The following ANKRD42 variants were observed in gnomAD, a reference collection of about 807,000 sequenced individuals.
ANKRD42 encodes the protein ankyrin repeat domain-containing protein 42.
Under a neutral mutation model 51.5 loss-of-function variants are expected in ANKRD42, and 43 were observed. That is an observed-to-expected ratio of 0.83 (90% CI 0.65 to 1.08). The LOEUF is 1.08. Ranked by LOEUF, ANKRD42 falls within the 50% of genes least tolerant of loss-of-function variation. The pLI is 0.00. For synonymous variants in ANKRD42, 203 were observed against 213.0 expected, an observed-to-expected ratio of 0.95 and a Z score of 0.41; for missense variants, 608 against 629.3, an observed-to-expected ratio of 0.97 and a Z score of 0.36.
At chr11:83,202,470 C>T (rs764844927) in intron 2 of ANKRD42, among the ~76,000 whole-genome samples, 6 of 152,198 alleles carry the variant, frequency 3.9e-5, no homozygotes, top group East Asian at 1.9e-4. Context: ...CTTAGCTCTA[C>T]GGGCTCTTTT....
chr11:83,198,449 T>C, intron 1 of ANKRD42, 30 bp from the exon 2 acceptor site: 3 of 1,588,964 alleles, frequency 1.9e-6, no homozygotes, highest in Non-Finnish European at 2.6e-6. Context: ...AGTTTTGTAG[T>C]ACATTGTAAG....
At chr11:83,196,396 A>AGTGTGT (rs1428938974) in intron 1 of ANKRD42, among the ~76,000 whole-genome samples, 118 of 133,158 alleles carry the variant, frequency 8.9e-4, no homozygotes, top group African/African-American at 3.0e-3. Context: ...TGAGTGTGTG[A>AGTGTGT]GAGTGTGTGT....
rs760111567 is a variant in ANKRD42 at position 83,211,431 on chromosome 11, G to A, written c.586+1G>A. On this transcript the variant is annotated splice_donor_variant, in intron 5 of 10. Transcript: ENST00000533342. LOFTEE classifies it high-confidence loss of function. Reference sequence around the variant, plus strand: ...GTGGACTACAATGGAAACCTTCCAGGTATTTTAAATAAAGCAAATATTTTA... The same window carrying A: ...GTGGACTACAATGGAAACCTTCCAGATATTTTAAATAAAGCAAATATTTTA... 4 of 1,613,332 alleles carry A rather than the reference G, an allele frequency of 2.5e-6. No homozygotes were observed. In the South Asian group the frequency reaches 3.3e-5, roughly 13 times the overall value.
At position 83,193,746 on chromosome 11, in the gene ANKRD42, C is replaced by A. The variant is rs2231725; in HGVS notation, c.-925C>A. ...CAAGGCGACGGCCCTGCTGCCTCTC[C>A]AGCCAAGTGGCTGGAGTCGGGAGGC... is the stretch of plus-strand genomic sequence containing the variant. On this transcript the variant is annotated 5_prime_UTR_variant, in exon 1 of 11. Coordinates refer to ENST00000533342, the MANE Select transcript of ANKRD42 (RefSeq NM_001300975.2). The A allele has an allele frequency of 7.1e-4, 302 of 426,818 alleles. 1 individual carries two copies. The highest frequency in any genetic ancestry group is 5.6e-3 in the African/African-American group (271 of 48,202). The allele number at this position is 426,818 out of a possible 1,614,324, so 26.4% of individuals were successfully genotyped here. A position where few individuals can be genotyped will look rare whatever the true frequency, so the allele number is the denominator to read the frequency against.
intron 2 of ANKRD42, among the ~76,000 whole-genome samples, chr11:83,202,930 G>A (rs929662218): frequency 6.7e-6 from 1 of 149,634 alleles, no homozygotes; most frequent in East Asian, 1.9e-4. Flanking sequence ...TTAAATTTAC[G>A]TTTATATTTT....
At chr11:83,242,567 G>GTTTGTTTTTTTTTT (rs1863419139) in intron 9 of ANKRD42, among the ~76,000 whole-genome samples, 5 of 115,544 alleles carry the variant, frequency 4.3e-5, no homozygotes, top group African/African-American at 1.4e-4. Flanking sequence ...TGGTAGTTAA[G>GTTTGTTTTTTTTTT]TTTTTTTTTT....
intron 9 of ANKRD42, 106 bp from the exon 10 acceptor site, chr11:83,245,392 T>C: frequency 8.0e-7 from 1 of 1,253,392 alleles, no homozygotes; most frequent in Middle Eastern, 1.9e-4. Context: ...CTCCAAACCA[T>C]ACAGACACTA....
At chr11:83,212,590 A>C in intron 5 of ANKRD42, 4 of 1,317,796 alleles carry the variant, frequency 3.0e-6, no homozygotes, top group Non-Finnish European at 4.2e-6. Flanking sequence ...TAAAGAAACA[A>C]ACACACAAAG....
downstream of ANKRD42, chr11:83,259,329 C>A (rs1382008476): frequency 1.3e-5 from 2 of 152,130 alleles, no homozygotes; most frequent in Non-Finnish European, 2.9e-5. Context: ...AACCCCAGAA[C>A]CACCATCAAA....
chr11:83,236,349 C>A, intron 7 of ANKRD42, 55 bp from the exon 8 acceptor site: 2 of 1,468,948 alleles, frequency 1.4e-6, no homozygotes, highest in Admixed American at 2.2e-5. Context: ...AAAATTGTTA[C>A]TAATAACTAA....
intron 2 of ANKRD42, among the ~76,000 whole-genome samples, chr11:83,202,897 C>T (rs1861924073): frequency 6.6e-6 from 1 of 151,394 alleles, no homozygotes; most frequent in African/African-American, 2.4e-5. Flanking sequence ...AGAAATGTTT[C>T]TCATGTTGCT....
At chr11:83,257,417 A>T (rs995992519), downstream of ANKRD42, 1 of 434,574 alleles carries the variant, frequency 2.3e-6, no homozygotes, top group Non-Finnish European at 4.6e-6. Flanking sequence ...GAGGGAATTG[A>T]AGTCAGAACT....
Position 83,248,356 on chromosome 11 carries a change from T to G in ANKRD42, c.*152T>G. ...ACACACTCTATATGTAACTATAACT[T>G]TCTAGATACATACACACATCTGTCT... is the stretch of plus-strand genomic sequence containing the variant. On this transcript the variant is annotated 3_prime_UTR_variant, in exon 11 of 11. Coordinates refer to ENST00000533342, the MANE Select transcript of ANKRD42 (RefSeq NM_001300975.2). The G allele has an allele frequency of 7.4e-7, 1 of 1,353,594 alleles. No homozygotes were observed. Among genetic ancestry groups the G allele is most frequent in the Non-Finnish European group, 9.4e-7 (1 of 1,060,802 alleles). 83.8% of individuals were successfully genotyped at this position (1,353,594 alleles called of 1,614,324 possible).
chr11:83,240,221 T>A (rs982207954), intron 8 of ANKRD42, among the ~76,000 whole-genome samples: 1 of 152,118 alleles, frequency 6.6e-6, no homozygotes, highest in Non-Finnish European at 1.5e-5. Flanking sequence ...CAGGAAAGAT[T>A]AAGGAGAATT....
In ANKRD42 at chr11:83,193,825, T is replaced by G. The variant is rs1471449486; in HGVS notation, c.-846T>G. ...GGAAGGCGGCCGCCGCTACGGCGAT[T>G]CGCAGGGAGTAGCAGACGAAGACGG... On this transcript the variant is annotated 5_prime_UTR_variant, in exon 1 of 11. In the 5' UTR this introduces an upstream ATG that the reference lacks. Transcript: ENST00000533342. 1.3e-5 allele frequency: 6 copies of G among 455,108 alleles called. 1 individual carries two copies. The highest frequency in any genetic ancestry group is 7.8e-5 in the South Asian group (5 of 64,492). 28.2% of individuals were successfully genotyped at this position (455,108 alleles called of 1,614,324 possible).
intron 5 of ANKRD42, chr11:83,215,263 G>C (rs1197177395): frequency 6.6e-6 from 1 of 151,728 alleles, no homozygotes; most frequent in Non-Finnish European, 1.5e-5. Flanking sequence ...TTAACTTATA[G>C]TTTATTTAAT....
rs1422324052 is a variant in ANKRD42, at chr11:83,245,560, A to G, written c.1258A>G (p.Lys420Glu). Residue 420 changes from lysine (K) to glutamate (E), a missense_variant, in exon 10 of 11, where the codon AAA (lysine) becomes GAA (glutamate). Transcript: ENST00000533342. ...CCTGGAAATTGCCGAGAGCAACTATAAACACTTGGGAGGCATAACAGAAGA... is the reference window on the plus strand; with the variant it reads ...CCTGGAAATTGCCGAGAGCAACTATGAACACTTGGGAGGCATAACAGAAGA... ...HLLEIAESNY[K>E]HLGGITEEDL... 1 of 1,536,614 alleles carries G rather than the reference A, an allele frequency of 6.5e-7. No homozygotes were observed. The highest frequency in any genetic ancestry group is 1.4e-5 in the African/African-American group (1 of 73,042).
At chr11:83,199,829 T>C (rs1452268402) in intron 2 of ANKRD42, among the ~76,000 whole-genome samples, 1 of 152,226 alleles carries the variant, frequency 6.6e-6, no homozygotes, top group Non-Finnish European at 1.5e-5. Context: ...TGTAACCAAA[T>C]CTGGTTCAGA....
At chr11:83,227,725 T>G in intron 6 of ANKRD42, 22 bp from the exon 7 acceptor site, 4 of 1,594,962 alleles carry the variant, frequency 2.5e-6, no homozygotes, top group Non-Finnish European at 3.4e-6. Context: ...TTTATTGAAA[T>G]GCTGAATTTT....
Sources: allele counts gnomAD v4.1 joint callset (sites outside exome capture counted in the v4.1 genomes callset), GRCh38; gene constraint gnomAD v4.1.1; transcripts MANE v1.5; gene names NCBI Gene and HGNC (gene_info 2026-07-23, HGNC 2026-07-21).